The following RFX1 variants were observed in gnomAD, a reference collection of about 807,000 sequenced individuals.
RFX1 encodes the protein MHC class II regulatory factor RFX1.
In RFX1, 42 loss-of-function variants were observed where a neutral mutation model predicts 119.6. The observed-to-expected ratio is 0.35, with a 90% CI of 0.27 to 0.45. The LOEUF is 0.45. Ranked by LOEUF, RFX1 falls within the 20% of genes least tolerant of loss-of-function variation. The pLI, the probability that RFX1 is intolerant of heterozygous loss-of-function variation, is 1.00. For missense variants in RFX1, 1,118 were observed against 1,368.1 expected (o/e 0.82, Z 2.88); for synonymous variants, 628 against 618.5 (o/e 1.02, Z -0.23).
chr19:13,972,829 C>T lies in RFX1; in HGVS notation c.1228G>A (p.Ala410Thr). The change falls in exon 9 of 21, where the codon GCA (alanine) becomes ACA (threonine). Residue 410 changes from alanine (A) to threonine (T), a missense_variant. By Grantham distance (58) the Ala-to-Thr change is moderately conservative. This residue lies in a region of RFX1 where 542 missense variants were observed against 602.7 expected (regional missense o/e 0.90). Coordinates refer to ENST00000254325, the MANE Select transcript of RFX1 (RefSeq NM_002918.5). ...CCGCCTTGGATCACGTAGGTGCCTGCTCCGCTGCCGCCGCCTCCGGTGCTG... is the reference window on the plus strand; with the variant it reads ...CCGCCTTGGATCACGTAGGTGCCTGTTCCGCTGCCGCCGCCTCCGGTGCTG... The part of the protein sequence containing the change: ...SGSTGGGGSG[A>T]GTYVIQGGYM... 1.3e-6 allele frequency: 2 copies of T among 1,598,192 alleles called. No individual in the cohort carries two copies. Among genetic ancestry groups the T allele is most frequent in the Non-Finnish European group, 1.7e-6 (2 of 1,174,072 alleles).
In RFX1 at chr19:13,990,880, G is replaced by A. The variant is rs1411600857; in HGVS notation, c.319+2645C>T. The stretch of plus-strand genomic sequence containing the variant: ...TGCCTATAGTCCCAGCTACTTGGGA[G>A]GCTGTGAGAGTATCACTGAGCCCAG... On this transcript the variant is annotated intron_variant, in intron 2 of 20. Coordinates refer to ENST00000254325, the MANE Select transcript of RFX1 (RefSeq NM_002918.5). This position sits in a 1 kb window ranked among gnomAD's most constrained non-coding sequence, Gnocchi z 4.1. 6.6e-6 allele frequency among the ~76,000 whole-genome samples: 1 copy of A among 152,110 alleles called. No homozygotes were observed. The highest frequency in any genetic ancestry group is 1.5e-5 in the Non-Finnish European group (1 of 68,016).
intron 1 of RFX1, among the ~76,000 whole-genome samples, chr19:14,005,881 GC>G (rs1420236512): frequency 6.6e-6 from 1 of 151,264 alleles, no homozygotes; most frequent in Non-Finnish European, 1.5e-5. Flanking sequence ...CTCGCCGCGG[GC>G]CTGCGAGCGC....
chr19:13,996,295 GA>G (rs1263911721), intron 1 of RFX1, among the ~76,000 whole-genome samples: 2 of 152,224 alleles, frequency 1.3e-5, no homozygotes, highest in Non-Finnish European at 2.9e-5. Flanking sequence ...CCTGGCCCCA[GA>G]AGGCATTTGG....
rs1170400540 is a variant in RFX1, at chr19:13,962,680, G to A, written c.*15C>T. 1.3e-6 allele frequency: 2 copies of A among 1,507,332 alleles called. No homozygotes were observed. The highest frequency in any genetic ancestry group is 1.8e-6 in the Non-Finnish European group (2 of 1,132,694). 93.4% of individuals were successfully genotyped at this position (1,507,332 alleles called of 1,614,324 possible). A position where few individuals can be genotyped will look rare whatever the true frequency, so the allele number is the denominator to read the frequency against. On this transcript the variant is annotated 3_prime_UTR_variant, in exon 21 of 21. Coordinates refer to ENST00000254325, the MANE Select transcript of RFX1 (RefSeq NM_002918.5). ...GAGGGGTGGCGGGGGCGGGTGGGGC[G>A]GGGAGGCCAAGGGCTTAGCTGGAGG... is the stretch of plus-strand genomic sequence containing the variant.
chr19:13,987,703 C>T (rs1474331812), intron 2 of RFX1, among the ~76,000 whole-genome samples: 2 of 152,192 alleles, frequency 1.3e-5, no homozygotes, highest in African/African-American at 4.8e-5. Context: ...CAGAACAAAT[C>T]CAGGAAGCAT....
Position 13,968,423 on chromosome 19 carries a change from C to G in RFX1, c.1732+142G>C, listed in dbSNP as rs1973970898. On this transcript the variant is annotated intron_variant, in intron 12 of 20. Coordinates refer to ENST00000254325, the MANE Select transcript of RFX1 (RefSeq NM_002918.5). This position sits in a 1 kb window ranked among gnomAD's most constrained non-coding sequence, Gnocchi z 5.5. ...ACTGTGGACGGAGACTGTGATGTCTCCCCCACCCCCTGCTGGTTCTCGGGC... is the reference window on the plus strand; with the variant it reads ...ACTGTGGACGGAGACTGTGATGTCTGCCCCACCCCCTGCTGGTTCTCGGGC... 8.8e-6 allele frequency: 6 copies of G among 678,364 alleles called. No individual in the cohort carries two copies. Among genetic ancestry groups the G allele is most frequent in the Non-Finnish European group, 1.6e-5 (6 of 374,902 alleles). 42.0% of individuals were successfully genotyped at this position (678,364 alleles called of 1,614,324 possible).
intron 1 of RFX1, among the ~76,000 whole-genome samples, chr19:14,004,861 C>T (rs1410032763): frequency 2.0e-5 from 3 of 152,184 alleles, no homozygotes; most frequent in Non-Finnish European, 4.4e-5. Context: ...CCTCCCCGAG[C>T]TGGCAGGATA....
intron 9 of RFX1, among the ~76,000 whole-genome samples, chr19:13,972,403 G>T (rs926645152): frequency 6.6e-6 from 1 of 151,982 alleles, no homozygotes; most frequent in African/African-American, 2.4e-5. Context: ...CATGTTGGTC[G>T]GGCTGGTCTT....
At position 13,980,608 on chromosome 19, in the gene RFX1, G is replaced by A; in HGVS notation, c.703C>T (p.His235Tyr). The A allele has an allele frequency of 6.3e-7, 1 of 1,580,274 alleles. No individual in the cohort carries two copies. The highest frequency in any genetic ancestry group is 8.5e-7 in the Non-Finnish European group (1 of 1,170,120). The part of the protein sequence containing the change: ...TGTVPQQLQV[H>Y]GVQQSVPVTQ... ...ACGGGGACACTCTGCTGGACGCCGT[G>A]GACCTGCAGCTGCTGTGGCACTGTG... Residue 235 changes from histidine to tyrosine, a missense_variant, in exon 6 of 21, where the codon CAC becomes TAC. By Grantham distance (83) the His-to-Tyr change is moderately conservative. Coordinates refer to ENST00000254325, the MANE Select transcript of RFX1 (RefSeq NM_002918.5). This position sits in a 1 kb window ranked among gnomAD's most constrained non-coding sequence, Gnocchi z 5.1.
chr19:13,978,605 G>A, intron 7 of RFX1, among the ~76,000 whole-genome samples: 1 of 152,184 alleles, frequency 6.6e-6, no homozygotes, highest in South Asian at 2.1e-4. Context: ...ACGGGGCTTG[G>A]GTGGGGAGTC....
At position 13,970,038 on chromosome 19, in the gene RFX1, G is replaced by A; in HGVS notation, c.1452C>T (p.Ile484=). The A allele has an allele frequency of 6.2e-7, 1 of 1,614,052 alleles. No individual in the cohort carries two copies. The highest frequency in any genetic ancestry group is 1.1e-5 in the South Asian group (1 of 91,084). The change falls in exon 10 of 21, where the codon ATC becomes ATT. Residue 484 remains isoleucine (I), a synonymous_variant. Coordinates refer to ENST00000254325, the MANE Select transcript of RFX1 (RefSeq NM_002918.5). The stretch of plus-strand genomic sequence containing the variant: ...TTCGCAGGCCCATGAAGACGGAGCG[G>A]ATGAGCTTGCCGAAGGAGGCGGCGT... The part of the protein sequence containing the change: ...PVNAASFGKL[I]RSVFMGLRTR...
At chr19:13,984,299 A>G (rs1974528347) in intron 2 of RFX1, among the ~76,000 whole-genome samples, 1 of 147,510 alleles carries the variant, frequency 6.8e-6, no homozygotes, top group African/African-American at 2.5e-5. Context: ...GCCTCTATAG[A>G]ACAGCAGGGT....
chr19:13,988,342 C>G (rs570810747), intron 2 of RFX1, among the ~76,000 whole-genome samples: 2 of 152,118 alleles, frequency 1.3e-5, no homozygotes, highest in Admixed American at 6.5e-5. Context: ...TGAGGGAGTG[C>G]GGGAAGAGCT....
intron 5 of RFX1, 76 bp downstream of exon 5, chr19:13,982,045 C>T (rs1050865487): frequency 2.0e-5 from 14 of 708,150 alleles, no homozygotes; most frequent in Admixed American, 1.6e-4. Flanking sequence ...CAGGGAGCCC[C>T]AAATATACTA....
chr19:14,005,487 C>A (rs988947456), intron 1 of RFX1, among the ~76,000 whole-genome samples: 1 of 152,182 alleles, frequency 6.6e-6, no homozygotes, highest in African/African-American at 2.4e-5. Flanking sequence ...AAGTAAAATT[C>A]CTGGAAGGAA....
In RFX1 at chr19:13,963,533, C is replaced by T; in HGVS notation, c.2570+5G>A. The T allele has an allele frequency of 6.2e-7, 1 of 1,602,424 alleles. No individual in the cohort carries two copies. The highest frequency in any genetic ancestry group is 8.5e-7 in the Non-Finnish European group (1 of 1,178,572). Reference sequence around the variant, plus strand: ...CGCCCGGACCCGATCCCGCCGCGCGCGCACCTGTAGAAGGACCACTTGAGG... The same window carrying T: ...CGCCCGGACCCGATCCCGCCGCGCGTGCACCTGTAGAAGGACCACTTGAGG... On this transcript the variant is annotated splice_donor_5th_base_variant and intron_variant, in intron 18 of 20. Coordinates refer to ENST00000254325, the MANE Select transcript of RFX1 (RefSeq NM_002918.5).
At chr19:13,994,873 T>C (rs993712177) in intron 1 of RFX1, among the ~76,000 whole-genome samples, 1 of 135,610 alleles carries the variant, frequency 7.4e-6, no homozygotes, top group Non-Finnish European at 1.5e-5. Context: ...ATATTGTATA[T>C]GTATATTGAA....
chr19:14,006,509 A>C (rs1426854967), upstream of RFX1: 1 of 152,018 alleles, frequency 6.6e-6, no homozygotes, highest in Non-Finnish European at 1.5e-5. Context: ...AAGAAACTGA[A>C]CCCTCAAAGG....
intron 1 of RFX1, among the ~76,000 whole-genome samples, chr19:13,997,778 G>A (rs763971498): frequency 1.3e-5 from 2 of 152,164 alleles, no homozygotes; most frequent in Non-Finnish European, 2.9e-5. Flanking sequence ...AGGCAGGCAG[G>A]ATGAGAAGCC....
Sources: gnomAD v4.1 joint callset for allele counts (sites outside exome capture counted in the v4.1 genomes callset) on GRCh38, gnomAD v4.1.1 for gene constraint, gnomAD v4.1.1 regional missense constraint, Gnocchi (gnomAD v3.1) non-coding constraint, MANE v1.5 for transcripts, NCBI Gene and HGNC (gene_info 2026-07-23, HGNC 2026-07-21) for gene names.